The following SKAP2 variants were observed in gnomAD, a reference collection of about 807,000 sequenced individuals.
SKAP2 encodes src kinase-associated phosphoprotein 2.
In SKAP2, 28 loss-of-function variants were observed where a neutral mutation model predicts 54.9. The ratio of observed to expected loss-of-function variants is 0.51; its 90% CI spans 0.38 to 0.70. SKAP2 has a LOEUF of 0.70. Among genes scored for constraint, SKAP2 ranks in the 30% least tolerant of loss-of-function variants. The pLI is 0.00. For synonymous variants in SKAP2, 137 were observed against 134.3 expected (o/e 1.02, Z -0.14); for missense variants, 356 against 424.1 (o/e 0.84, Z 1.41).
chr7:26,777,180 C>G (rs559279412), intron 4 of SKAP2, among the ~76,000 whole-genome samples: 17 of 152,104 alleles, frequency 1.1e-4, no homozygotes, highest in Non-Finnish European at 2.2e-4. Flanking sequence ...ATACATTTGC[C>G]TGTACAGCAG....
intron 4 of SKAP2, among the ~76,000 whole-genome samples, chr7:26,826,864 C>T (rs1288665458): frequency 6.6e-6 from 1 of 152,118 alleles, no homozygotes; most frequent in African/African-American, 2.4e-5. Context: ...TTCCATCTAG[C>T]ACTTTGCCTA....
At chr7:26,752,164 AT>A (rs1405495118) in intron 4 of SKAP2, among the ~76,000 whole-genome samples, 2 of 152,176 alleles carry the variant, frequency 1.3e-5, no homozygotes, top group African/African-American at 4.8e-5. Context: ...AAATTCACTT[AT>A]AAGCTTTATA....
intron 10 of SKAP2, among the ~76,000 whole-genome samples, chr7:26,689,341 T>C (rs1786727194): frequency 6.6e-6 from 1 of 152,156 alleles, no homozygotes. Flanking sequence ...AAGAAGGCAG[T>C]CTTTCTCTTC....
At chr7:26,853,228 C>A (rs555387166) in intron 3 of SKAP2, among the ~76,000 whole-genome samples, 4 of 152,206 alleles carry the variant, frequency 2.6e-5, no homozygotes, top group Admixed American at 1.3e-4. Context: ...CCAGTTGGCA[C>A]AAATATGATT....
At chr7:26,774,594 C>T (rs1783264024) in intron 4 of SKAP2, among the ~76,000 whole-genome samples, 1 of 151,848 alleles carries the variant, frequency 6.6e-6, no homozygotes, top group Admixed American at 6.6e-5. Flanking sequence ...GAATAGCCAA[C>T]CCCTCAGTTC....
intron 11 of SKAP2, among the ~76,000 whole-genome samples, chr7:26,675,247 G>A (rs1307498532): frequency 6.6e-6 from 1 of 152,048 alleles, no homozygotes. Context: ...ACCTTTTCCT[G>A]TCACTGTTCT....
chr7:26,810,189 G>T (rs939328659), intron 4 of SKAP2, among the ~76,000 whole-genome samples: 22 of 152,044 alleles, frequency 1.4e-4, no homozygotes, highest in African/African-American at 5.3e-4. Context: ...AAAAAAATTA[G>T]CCAGTCATTG....
intron 3 of SKAP2, among the ~76,000 whole-genome samples, chr7:26,847,449 C>G (rs919165580): frequency 2.6e-5 from 4 of 151,824 alleles, no homozygotes; most frequent in Non-Finnish European, 5.9e-5. Context: ...AGCATTTTTC[C>G]TCCCCAGGGG....
intron 4 of SKAP2, among the ~76,000 whole-genome samples, chr7:26,771,965 A>T (rs1426073985): frequency 6.6e-6 from 1 of 152,196 alleles, no homozygotes; most frequent in Non-Finnish European, 1.5e-5. Flanking sequence ...TCATCTTCCT[A>T]TTCCTATCGC....
At chr7:26,774,517 GTA>G (rs1313525771) in intron 4 of SKAP2, among the ~76,000 whole-genome samples, 2 of 125,376 alleles carry the variant, frequency 1.6e-5, no homozygotes, top group Non-Finnish European at 3.6e-5. Context: ...GTGTGTGTGT[GTA>G]TGTATATATA....
chr7:26,706,015 A>C (rs934880971), intron 9 of SKAP2, among the ~76,000 whole-genome samples: 1 of 152,196 alleles, frequency 6.6e-6, no homozygotes, highest in Non-Finnish European at 1.5e-5. Context: ...TGCTGCTAGA[A>C]ACTCAAAATA....
chr7:26,842,623 C>G (rs1390307480), intron 4 of SKAP2, among the ~76,000 whole-genome samples: 1 of 151,550 alleles, frequency 6.6e-6, no homozygotes, highest in African/African-American at 2.4e-5. Flanking sequence ...TATAAATATT[C>G]TGTCTGTGTA....
intron 4 of SKAP2, among the ~76,000 whole-genome samples, chr7:26,757,846 C>T (rs1782830955): frequency 6.6e-6 from 1 of 152,200 alleles, no homozygotes; most frequent in Non-Finnish European, 1.5e-5. Context: ...ACTGCAACCT[C>T]TGCCTCCCAG....
At chr7:26,859,300 G>A (rs1343234091) in intron 1 of SKAP2, among the ~76,000 whole-genome samples, 2 of 151,344 alleles carry the variant, frequency 1.3e-5, no homozygotes, top group Non-Finnish European at 2.9e-5. Flanking sequence ...GCTCTTCTCT[G>A]TTAAAGCAGG....
chr7:26,841,941 T>C (rs1302717886), intron 4 of SKAP2, among the ~76,000 whole-genome samples: 4 of 151,934 alleles, frequency 2.6e-5, no homozygotes, highest in Non-Finnish European at 5.9e-5. Context: ...TGCATTATCT[T>C]TTTTATAATT....
At chr7:26,842,118 G>A (rs1029906779) in intron 4 of SKAP2, among the ~76,000 whole-genome samples, 1 of 151,610 alleles carries the variant, frequency 6.6e-6, no homozygotes. Flanking sequence ...TTTTAATAAT[G>A]ATATTCTTAG....
intron 4 of SKAP2, among the ~76,000 whole-genome samples, chr7:26,740,843 G>A (rs565151174): frequency 1.3e-5 from 2 of 152,158 alleles, no homozygotes; most frequent in South Asian, 4.2e-4. Context: ...AAAGAAATTA[G>A]CCAGGCATGG....
chr7:26,761,090 G>A (rs1213783198), intron 4 of SKAP2, among the ~76,000 whole-genome samples: 1 of 152,124 alleles, frequency 6.6e-6, no homozygotes, highest in Non-Finnish European at 1.5e-5. Context: ...CAGGGAAAAC[G>A]CAACTGGTCT....
chr7:26,691,617 A>G (rs1290581154), intron 9 of SKAP2, among the ~76,000 whole-genome samples: 2 of 152,224 alleles, frequency 1.3e-5, no homozygotes, highest in Non-Finnish European at 2.9e-5. Flanking sequence ...CAGATGGGAC[A>G]GAAGACAAGC....
Sources: gnomAD v4.1 joint callset for allele counts (sites outside exome capture counted in the v4.1 genomes callset) on GRCh38, gnomAD v4.1.1 for gene constraint, MANE v1.5 for transcripts, NCBI Gene and HGNC (gene_info 2026-07-23, HGNC 2026-07-21) for gene names.